The following GALNT3 variants were observed in gnomAD, a reference collection of about 807,000 sequenced individuals.
GALNT3 encodes the protein polypeptide N-acetylgalactosaminyltransferase 3, also known as GalNAc transferase 3.
Under a neutral mutation model 69.8 loss-of-function variants are expected in GALNT3, and 51 were observed. The ratio of observed to expected loss-of-function variants is 0.73; its 90% CI spans 0.58 to 0.92. The LOEUF (loss-of-function observed/expected upper bound fraction) is 0.92. Among genes scored for constraint, GALNT3 ranks in the 40% least tolerant of loss-of-function variants. The pLI, the probability that GALNT3 is intolerant of heterozygous loss-of-function variation, is 0.00. For synonymous variants in GALNT3, 265 were observed against 248.5 expected (o/e 1.07, Z -0.63); for missense variants, 711 against 760.0 (o/e 0.94, Z 0.76).
At chr2:165,781,144 C>A (rs1007968859) in intron 1 of GALNT3, among the ~76,000 whole-genome samples, 40 of 152,154 alleles carry the variant, frequency 2.6e-4, no homozygotes, top group Admixed American at 9.2e-4. Flanking sequence ...GTTGAGTTTG[C>A]TAGATCATAA....
chr2:165,756,799 C>G (rs189727521), intron 7 of GALNT3, among the ~76,000 whole-genome samples: 26 of 152,174 alleles, frequency 1.7e-4, no homozygotes, highest in African/African-American at 6.3e-4. Flanking sequence ...AATATTGAAC[C>G]AGGGCAGCAA....
At chr2:165,767,765 G>A (rs1038555686) in intron 2 of GALNT3, among the ~76,000 whole-genome samples, 2 of 151,772 alleles carry the variant, frequency 1.3e-5, no homozygotes, top group Non-Finnish European at 2.9e-5. Flanking sequence ...TCTGGCTTTG[G>A]GAGAAACTAG....
At chr2:165,759,016 C>G (rs1688495497) in intron 5 of GALNT3, 152 bp from the exon 6 acceptor site, 2 of 685,922 alleles carry the variant, frequency 2.9e-6, no homozygotes, top group Non-Finnish European at 2.6e-6. Context: ...TCTTCAAAGT[C>G]AAGATTTTTG....
chr2:165,770,562 T>G lies in GALNT3; in HGVS notation c.139A>C (p.Lys47Gln). ...MQREVSVQYS[K>Q]EESRMERNMK... ...TTCCTTTCCATCCTTGATTCCTCTT[T>G]GGAATATTGAACACTTACTTCTCTT... The change falls in exon 2 of 11, where the codon AAA (lysine) becomes CAA (glutamine). Residue 47 changes from lysine to glutamine, a missense_variant. Physicochemically the swap from Lys to Gln is moderately conservative, Grantham distance 53. Transcript: ENST00000392701. 1 of 1,613,750 alleles carries G rather than the reference T, an allele frequency of 6.2e-7. No individual in the cohort carries two copies. The highest frequency in any genetic ancestry group is 8.5e-7 in the Non-Finnish European group (1 of 1,179,846).
intron 3 of GALNT3, among the ~76,000 whole-genome samples, chr2:165,763,866 T>C (rs1268156875): frequency 6.6e-6 from 1 of 152,182 alleles, no homozygotes; most frequent in Non-Finnish European, 1.5e-5. Context: ...ACAATTACTT[T>C]TAGCTGTGTG....
chr2:165,758,451 C>G (rs533649441), intron 6 of GALNT3, among the ~76,000 whole-genome samples: 1 of 152,236 alleles, frequency 6.6e-6, no homozygotes. Context: ...TCCTGAAGCA[C>G]TAGATTTAAT....
intron 1 of GALNT3, among the ~76,000 whole-genome samples, chr2:165,779,688 A>C (rs1683061614): frequency 6.6e-6 from 1 of 152,054 alleles, no homozygotes; most frequent in African/African-American, 2.4e-5. Context: ...TAACATATAC[A>C]AAAAAAACCT....
chr2:165,757,880 A>G (rs1374890662), intron 6 of GALNT3, among the ~76,000 whole-genome samples: 1 of 152,202 alleles, frequency 6.6e-6, no homozygotes, highest in Non-Finnish European at 1.5e-5. Context: ...TTTCACTTAA[A>G]TATCTTAATA....
chr2:165,754,747 G>T lies in GALNT3; in HGVS notation c.1525-19C>A. On this transcript the variant is annotated intron_variant, in intron 8 of 10. Coordinates refer to ENST00000392701, the MANE Select transcript of GALNT3 (RefSeq NM_004482.4). ...TTTTAATCTAAAGGAAAATTTTCAA[G>T]TTATGAAAAGTTTTTTAATCCATGT... 6 of 1,570,424 alleles carry T rather than the reference G, an allele frequency of 3.8e-6. No individual in the cohort carries two copies. The highest frequency in any genetic ancestry group is 5.2e-6 in the Non-Finnish European group (6 of 1,144,760).
chr2:165,768,020 CACAT>C (rs1688676768), intron 2 of GALNT3, among the ~76,000 whole-genome samples: 1 of 151,998 alleles, frequency 6.6e-6, no homozygotes, highest in Admixed American at 6.6e-5. Context: ...ACTACAGGCG[CACAT>C]CACCATGCCC....
At chr2:165,752,102 G>A (rs2105400471) in intron 9 of GALNT3, among the ~76,000 whole-genome samples, 1 of 152,192 alleles carries the variant, frequency 6.6e-6, no homozygotes, top group South Asian at 2.1e-4. Context: ...TACATGATCA[G>A]GTCCCTATCA....
chr2:165,765,137 AT>A, intron 2 of GALNT3, 81 bp from the exon 3 acceptor site: 2 of 1,150,542 alleles, frequency 1.7e-6, no homozygotes, highest in Non-Finnish European at 2.6e-6. Flanking sequence ...TAACATTATC[AT>A]TATTGAATCT....
At chr2:165,767,194 T>C (rs575200254) in intron 2 of GALNT3, among the ~76,000 whole-genome samples, 1 of 151,570 alleles carries the variant, frequency 6.6e-6, no homozygotes, top group South Asian at 2.1e-4. Context: ...TTTGAACCCA[T>C]AAAAGTTTAT....
chr2:165,754,249 C>T (rs577017812), intron 9 of GALNT3, among the ~76,000 whole-genome samples: 2 of 151,702 alleles, frequency 1.3e-5, no homozygotes, highest in East Asian at 1.9e-4. Flanking sequence ...ACCACCACGC[C>T]CGACAAATTT....
intron 1 of GALNT3, among the ~76,000 whole-genome samples, chr2:165,790,490 C>T (rs1683321437): frequency 6.6e-6 from 1 of 152,104 alleles, no homozygotes; most frequent in Admixed American, 6.6e-5. Flanking sequence ...AAAACACCTT[C>T]CTTTTCAATA....
rs1212195777 is a variant in GALNT3, at chr2:165,770,180, A to T, written c.515+6T>A. The T allele has an allele frequency of 6.2e-7, 1 of 1,614,094 alleles. No homozygotes were observed. Among genetic ancestry groups the T allele is most frequent in the South Asian group, 1.1e-5 (1 of 91,064 alleles). ...AAGAATAAACAATAAATATTCTTCA[A>T]CATACTCAGGAGGTCGAGTGTCTGG... On this transcript the variant is annotated splice_donor_region_variant and intron_variant, in intron 2 of 10. Coordinates refer to ENST00000392701, the MANE Select transcript of GALNT3 (RefSeq NM_004482.4).
At chr2:165,753,292 C>T (rs978927275) in intron 9 of GALNT3, among the ~76,000 whole-genome samples, 15 of 152,148 alleles carry the variant, frequency 9.9e-5, no homozygotes, top group African/African-American at 3.6e-4. Flanking sequence ...CACCAAAATA[C>T]CTGCAATGCC....
At chr2:165,788,316 CAAAAA>C (rs59428597) in intron 1 of GALNT3, among the ~76,000 whole-genome samples, 63 of 49,354 alleles carry the variant, frequency 1.3e-3, no homozygotes, top group African/African-American at 3.9e-3. Flanking sequence ...GACATCACCT[CAAAAA>C]AAAAAAAAAA....
At chr2:165,778,456 G>A (rs1683022041) in intron 1 of GALNT3, among the ~76,000 whole-genome samples, 1 of 152,156 alleles carries the variant, frequency 6.6e-6, no homozygotes, top group African/African-American at 2.4e-5. Context: ...ATACAATCTG[G>A]TATTAAAAGA....
Sources: allele counts gnomAD v4.1 joint callset (sites outside exome capture counted in the v4.1 genomes callset), GRCh38; gene constraint gnomAD v4.1.1; transcripts MANE v1.5; gene names NCBI Gene and HGNC (gene_info 2026-07-23, HGNC 2026-07-21).